The following HAVCR2 variants were observed in gnomAD, a reference collection of about 807,000 sequenced individuals.
HAVCR2 encodes hepatitis A virus cellular receptor 2, also known as T cell immunoglobulin mucin 3.
Under a neutral mutation model 24.7 loss-of-function variants are expected in HAVCR2, and 13 were observed. That is an observed-to-expected ratio of 0.53 (90% CI 0.34 to 0.84). The LOEUF (loss-of-function observed/expected upper bound fraction) is 0.84, where lower values mean the gene tolerates loss of function less well. Among genes scored for constraint, HAVCR2 ranks in the 40% least tolerant of loss-of-function variants. The pLI is 0.01. For synonymous variants in HAVCR2, 154 were observed against 143.4 expected (o/e 1.07, Z -0.53); for missense variants, 343 against 371.2 (o/e 0.92, Z 0.62).
chr5:157,095,350 G>A lies in HAVCR2; in HGVS notation c.632C>T (p.Ala211Val), dbSNP rs1329757258. 1 of 1,614,132 alleles carries A rather than the reference G, an allele frequency of 6.2e-7. No individual in the cohort carries two copies. Among genetic ancestry groups the A allele is most frequent in the Non-Finnish European group, 8.5e-7 (1 of 1,180,008 alleles). Residue 211 changes from alanine (A) to valine (V), a missense_variant, in exon 5 of 7, where the codon GCT (alanine) becomes GTT (valine). Coordinates refer to ENST00000307851, the MANE Select transcript of HAVCR2 (RefSeq NM_032782.5). ...GAAGATAAGAGCCAGAGCCAGCCCAGCACAGATCCCTGCTCCGATGTAGAT... is the reference window on the plus strand; with the variant it reads ...GAAGATAAGAGCCAGAGCCAGCCCAACACAGATCCCTGCTCCGATGTAGAT... ...IGIYIGAGIC[A>V]GLALALIFGA...
rs1757257488 is a variant in HAVCR2, at chr5:157,106,740, GA to G, written c.280del (p.Ser94ProfsTer2). ...LNGDFRKGDVSLTIENVTLAD... is the reference protein window; with the variant it reads ...LNGDFRKGDVXLTIENVTLAD... ...TAGAGTCACATTCTCTATGGTCAGG[GA>G]CACATCTCCTTTGCGGAAATCCCCA... On this transcript the variant is annotated frameshift_variant, in exon 2 of 7. Coordinates refer to ENST00000307851, the MANE Select transcript of HAVCR2 (RefSeq NM_032782.5). LOFTEE classifies it high-confidence loss of function. 3.7e-6 allele frequency: 6 copies of G among 1,614,162 alleles called. No homozygotes were observed. The East Asian group carries it at 1.3e-4, about 36-fold the overall frequency.
In HAVCR2 at chr5:157,087,181, TCC is replaced by T. The variant is rs774090315; in HGVS notation, c.825_826del (p.Glu276AlafsTer3). ...GACATAGCAATAATACTCATTGGGC[TCC>T]TCCACTTCATATACGTTCTCTTCAA... On this transcript the variant is annotated frameshift_variant, in exon 7 of 7. Coordinates refer to ENST00000307851, the MANE Select transcript of HAVCR2 (RefSeq NM_032782.5). LOFTEE classifies it low-confidence loss of function (END_TRUNC). 2 of 1,614,084 alleles carry T rather than the reference TCC, an allele frequency of 1.2e-6. No homozygotes were observed. The highest frequency in any genetic ancestry group is 3.3e-5 in the Admixed American group (2 of 59,976).
chr5:157,088,916 C>G (rs1175102454), intron 6 of HAVCR2, 25 bp downstream of exon 6: 1 of 1,601,138 alleles, frequency 6.2e-7, no homozygotes, highest in South Asian at 1.1e-5. Context: ...CTCACCTTTT[C>G]CCAACCCCAT....
chr5:157,103,374 TAAA>T (rs10600273), intron 3 of HAVCR2, among the ~76,000 whole-genome samples: 122,551 of 147,492 alleles, frequency 0.83, 50,755 homozygotes, highest in East Asian at 0.98. Flanking sequence ...CCGTCTCAAT[TAAA>T]AAAAAAAAAA....
At chr5:157,101,236 A>T (rs918615324) in intron 3 of HAVCR2, among the ~76,000 whole-genome samples, 1 of 152,244 alleles carries the variant, frequency 6.6e-6, no homozygotes, top group Non-Finnish European at 1.5e-5. Context: ...CTAACTTTTT[A>T]AAAACTTCAT....
chr5:157,105,583 GTAT>G (rs1218084734), intron 2 of HAVCR2, among the ~76,000 whole-genome samples: 2 of 152,086 alleles, frequency 1.3e-5, no homozygotes, highest in Non-Finnish European at 2.9e-5. Flanking sequence ...CACATGATCG[GTAT>G]TATTGTCATA....
intron 4 of HAVCR2, among the ~76,000 whole-genome samples, chr5:157,098,420 A>C (rs6886320): frequency 0.73 from 109,564 of 150,094 alleles, 40,218 homozygotes; most frequent in East Asian, 0.93. Flanking sequence ...AAAAAAAAAA[A>C]AAAACCTCTT....
Position 157,087,091 on chromosome 5 carries a change from G to T in HAVCR2, c.*11C>A. ...GACAAAACACCAAGCTCAAAAATAA[G>T]GTGGTTGGATCTATGGCATTGCAAA... is the stretch of plus-strand genomic sequence containing the variant. On this transcript the variant is annotated 3_prime_UTR_variant, in exon 7 of 7. Coordinates refer to ENST00000307851, the MANE Select transcript of HAVCR2 (RefSeq NM_032782.5). The T allele has an allele frequency of 6.2e-7, 1 of 1,607,268 alleles. No homozygotes were observed. The highest frequency in any genetic ancestry group is 8.5e-7 in the Non-Finnish European group (1 of 1,178,264).
At chr5:157,103,366 G>A (rs988821637) in intron 3 of HAVCR2, among the ~76,000 whole-genome samples, 2 of 88,332 alleles carry the variant, frequency 2.3e-5, no homozygotes, top group South Asian at 6.6e-4. Context: ...GCAAGACTCC[G>A]TCTCAATTAA....
In HAVCR2 at chr5:157,086,036, C is replaced by T. The variant is rs899380109; in HGVS notation, c.*1066G>A. 3.9e-5 allele frequency: 6 copies of T among 152,180 alleles called. No individual in the cohort carries two copies. Among genetic ancestry groups the T allele is most frequent in the Non-Finnish European group, 5.9e-5 (4 of 68,042 alleles). The allele number at this position is 152,180 out of a possible 1,614,324, so 9.4% of individuals were successfully genotyped here. On this transcript the variant is annotated 3_prime_UTR_variant, in exon 7 of 7. Coordinates refer to ENST00000307851, the MANE Select transcript of HAVCR2 (RefSeq NM_032782.5). ...TTCCACCAGGCAACAGAATTTGTGT[C>T]CCCGTCACTGCTTCTTCTTCTGTGA...
chr5:157,096,533 C>T (rs1757095874), intron 4 of HAVCR2, among the ~76,000 whole-genome samples: 1 of 152,172 alleles, frequency 6.6e-6, no homozygotes, highest in South Asian at 2.1e-4. Flanking sequence ...AGTCCCAGCA[C>T]TTTGGGAGGC....
chr5:157,098,909 A>AAGAGAGAGAG lies in HAVCR2; in HGVS notation c.479-18_479-9dup. On this transcript the variant is annotated splice_polypyrimidine_tract_variant and intron_variant, in intron 3 of 6. Coordinates refer to ENST00000307851, the MANE Select transcript of HAVCR2 (RefSeq NM_032782.5). The stretch of plus-strand genomic sequence containing the variant: ...CCAGTGTCTGTGTCTCTGCTATAAA[A>AAGAGAGAGAG]AGAGAGAGAGAGAGAGAGAGAGGAA... 1 of 1,566,750 alleles carries AAGAGAGAGAG rather than the reference A, an allele frequency of 6.4e-7. No homozygotes were observed. The highest frequency in any genetic ancestry group is 8.7e-7 in the Non-Finnish European group (1 of 1,148,436).
intron 2 of HAVCR2, 106 bp from the exon 3 acceptor site, chr5:157,104,855 G>A (rs538646286): frequency 3.2e-4 from 215 of 682,518 alleles, no homozygotes; most frequent in Non-Finnish European, 5.2e-4. Context: ...AATTAAGAAA[G>A]AGAAATACAC....
Position 157,087,027 on chromosome 5 carries a change from A to T in HAVCR2, c.*75T>A. 7.2e-7 allele frequency: 1 copy of T among 1,387,980 alleles called. No homozygotes were observed. The highest frequency in any genetic ancestry group is 1.0e-6 in the Non-Finnish European group (1 of 993,710). 86.0% of individuals were successfully genotyped at this position (1,387,980 alleles called of 1,614,324 possible). A position where few individuals can be genotyped will look rare whatever the true frequency, so the allele number is the denominator to read the frequency against. On this transcript the variant is annotated 3_prime_UTR_variant, in exon 7 of 7. Transcript: ENST00000307851. The stretch of plus-strand genomic sequence containing the variant: ...CTCCATAGCAGTGGACAGAACCTCC[A>T]AAACCAGTCAGGTGACACAGCTCAT...
At chr5:157,099,064 C>T (rs1196472249) in intron 3 of HAVCR2, among the ~76,000 whole-genome samples, 163 bp from the exon 4 acceptor site, 1 of 152,112 alleles carries the variant, frequency 6.6e-6, no homozygotes, top group Non-Finnish European at 1.5e-5. Context: ...GAGAGACAGA[C>T]AAAATTTACT....
intron 2 of HAVCR2, 68 bp downstream of exon 2, chr5:157,106,559 A>T (rs780798120): frequency 7.3e-7 from 1 of 1,364,892 alleles, no homozygotes; most frequent in Non-Finnish European, 1.0e-6. Context: ...GATGAGAACA[A>T]TCAGTACCTT....
chr5:157,100,913 T>A lies in HAVCR2; in HGVS notation c.479-2012A>T, dbSNP rs184307152. Among the ~76,000 whole-genome samples the A allele has an allele frequency of 3.0e-4, 46 of 152,156 alleles. No individual in the cohort carries two copies. In the East Asian group the frequency reaches 8.3e-3, roughly 27 times the overall value. On this transcript the variant is annotated intron_variant, in intron 3 of 6. Transcript: ENST00000307851. ...GAGATCGAGACCATCCTGGCCAATATGGTGAAACCCCATCTCTACTAAAAT... is the reference window on the plus strand; with the variant it reads ...GAGATCGAGACCATCCTGGCCAATAAGGTGAAACCCCATCTCTACTAAAAT...
At chr5:157,088,676 T>C (rs1047309316) in intron 6 of HAVCR2, among the ~76,000 whole-genome samples, 2 of 152,206 alleles carry the variant, frequency 1.3e-5, no homozygotes, top group African/African-American at 2.4e-5. Flanking sequence ...GAAAAACCAT[T>C]AATATCGAGA....
At chr5:157,089,676 T>C (rs746974857) in intron 5 of HAVCR2, among the ~76,000 whole-genome samples, 51 of 152,134 alleles carry the variant, frequency 3.4e-4, no homozygotes, top group Non-Finnish European at 5.0e-4. Context: ...CCCTCAGAGA[T>C]GAACTTTAAG....
Sources: gnomAD v4.1 joint callset for allele counts (sites outside exome capture counted in the v4.1 genomes callset) on GRCh38, gnomAD v4.1.1 for gene constraint, MANE v1.5 for transcripts, NCBI Gene and HGNC (gene_info 2026-07-23, HGNC 2026-07-21) for gene names.